PAN2: variants seen among roughly 807,000 people sequenced by gnomAD.
PAN2 encodes the protein poly(A) specific ribonuclease subunit PAN2, also known as PAN2-PAN3 deadenylation complex catalytic subunit PAN2.
A neutral mutation model predicts 133.3 loss-of-function variants in PAN2; 68 were observed. The observed-to-expected ratio is 0.51, with a 90% CI of 0.42 to 0.62. PAN2 has a LOEUF of 0.62. Among genes scored for constraint, PAN2 ranks in the 20% least tolerant of loss-of-function variants. The pLI is 0.00. For synonymous variants in PAN2, 462 were observed against 544.6 expected (o/e 0.85, Z 2.11); for missense variants, 1,042 against 1,500.5 (o/e 0.69, Z 5.05).
Position 56,327,427 on chromosome 12 carries a change from C to G in PAN2, c.856G>C (p.Asp286His). 1 of 1,614,214 alleles carries G rather than the reference C, an allele frequency of 6.2e-7. No homozygotes were observed. The highest frequency in any genetic ancestry group is 1.1e-5 in the South Asian group (1 of 91,082). Residue 286 changes from aspartate (D) to histidine (H), a missense_variant, in exon 6 of 26, where the codon GAT (aspartate) becomes CAT (histidine). By Grantham distance (81) the Asp-to-His change is moderately conservative (BLOSUM62 -1). This residue lies in a region of PAN2 where 908 missense variants were observed against 1,223.5 expected (regional missense o/e 0.74). Transcript: ENST00000440411. Reference protein sequence around the residue: ...RAITPLQVHVDPAFLRFIPTY... With the variant: ...RAITPLQVHVHPAFLRFIPTY... ...GGAATGAAGCGCAAGAAGGCAGGATCCACATGTACTTGAAGTGGTGTGATG... is the reference window on the plus strand; with the variant it reads ...GGAATGAAGCGCAAGAAGGCAGGATGCACATGTACTTGAAGTGGTGTGATG...
chr12:56,323,268 C>G, intron 16 of PAN2, 43 bp downstream of exon 16: 1 of 1,613,842 alleles, frequency 6.2e-7, no homozygotes, highest in Middle Eastern at 1.7e-4. Context: ...AGAGGAACCA[C>G]TGGGCAATTC....
In PAN2 at chr12:56,326,371, A is replaced by G; in HGVS notation, c.1301T>C (p.Met434Thr). 2 of 1,603,566 alleles carry G rather than the reference A, an allele frequency of 1.2e-6. No homozygotes were observed. Among genetic ancestry groups the G allele is most frequent in the East Asian group, 4.5e-5 (2 of 44,694 alleles). ...ATAGCCAATGAAGCCCACCTTCTTCATGGTGCGCAGAATCTCTGCATCCAC... is the reference window on the plus strand; with the variant it reads ...ATAGCCAATGAAGCCCACCTTCTTCGTGGTGCGCAGAATCTCTGCATCCAC... Reference protein sequence around the residue: ...PPVDAEILRTMKKVGFIGYAP... With the variant: ...PPVDAEILRTTKKVGFIGYAP... The change falls in exon 8 of 26, where the codon ATG (methionine) becomes ACG (threonine). Residue 434 changes from methionine (M) to threonine (T), a missense_variant. Met to Thr is a moderately conservative substitution (Grantham distance 81). This residue lies in a region of PAN2 where 908 missense variants were observed against 1,223.5 expected (regional missense o/e 0.74). Coordinates refer to ENST00000440411, the MANE Select transcript of PAN2 (RefSeq NM_014871.6).
At chr12:56,318,131 C>G (rs989357909) in intron 25 of PAN2, 106 bp downstream of exon 25, 1 of 910,492 alleles carries the variant, frequency 1.1e-6, no homozygotes. Flanking sequence ...GAGCTGTAAT[C>G]ACGCTACTGC....
In PAN2 at chr12:56,322,413, T is replaced by C; in HGVS notation, c.2697+10A>G. On this transcript the variant is annotated intron_variant, in intron 19 of 25. Transcript: ENST00000440411. ...AAATGAAAGAAGAAACAGAACATGTTGCAACTAACCTTATCAATAGGTTCA... is the reference window on the plus strand; with the variant it reads ...AAATGAAAGAAGAAACAGAACATGTCGCAACTAACCTTATCAATAGGTTCA... The C allele has an allele frequency of 6.2e-7, 1 of 1,603,116 alleles. No homozygotes were observed. Among genetic ancestry groups the C allele is most frequent in the Non-Finnish European group, 8.5e-7 (1 of 1,170,102 alleles).
chr12:56,322,726 A>G lies in PAN2; in HGVS notation c.2526T>C (p.Gly842=). ...TAGCCATCAGGTCATACACATAGACACCATGCTCCTCCTCTGCCCTGGCTG... is the reference window on the plus strand; with the variant it reads ...TAGCCATCAGGTCATACACATAGACGCCATGCTCCTCCTCTGCCCTGGCTG... ...WGPARAEEEH[G]VYVYDLMATV... The change falls in exon 18 of 26, where the codon GGT becomes GGC. Residue 842 remains glycine (G), a synonymous_variant. Coordinates refer to ENST00000440411, the MANE Select transcript of PAN2 (RefSeq NM_014871.6). 1.2e-6 allele frequency: 2 copies of G among 1,613,840 alleles called. No individual in the cohort carries two copies. Among genetic ancestry groups the G allele is most frequent in the Non-Finnish European group, 1.7e-6 (2 of 1,179,972 alleles).
intron 24 of PAN2, 145 bp from the exon 25 acceptor site, chr12:56,318,579 G>T: frequency 1.6e-6 from 1 of 618,738 alleles, no homozygotes. Context: ...TGCACAGAAG[G>T]GATATTGAAG....
At chr12:56,329,062 T>G (rs1875443334) in intron 2 of PAN2, among the ~76,000 whole-genome samples, 1 of 152,182 alleles carries the variant, frequency 6.6e-6, no homozygotes, top group South Asian at 2.1e-4. Flanking sequence ...TAGGCATCCT[T>G]GAATTTTGGT....
intron 20 of PAN2, among the ~76,000 whole-genome samples, chr12:56,321,081 C>A (rs1286679834): frequency 6.7e-6 from 1 of 148,690 alleles, no homozygotes; most frequent in African/African-American, 2.5e-5. Context: ...AAAAAAAAAG[C>A]AGTCTCATCC....
chr12:56,324,293 C>T lies in PAN2; in HGVS notation c.1928+1G>A. On this transcript the variant is annotated splice_donor_variant, in intron 12 of 25. Transcript: ENST00000440411. LOFTEE classifies it high-confidence loss of function. ...TAACTATTTCTATCCTGATTTCATA[C>T]CTGCCTCCAGCACCTCGATAAGCCT... 6.2e-7 allele frequency: 1 copy of T among 1,613,328 alleles called. No homozygotes were observed. Among genetic ancestry groups the T allele is most frequent in the Non-Finnish European group, 8.5e-7 (1 of 1,179,982 alleles).
chr12:56,332,715 T>G, intron 2 of PAN2, 98 bp downstream of exon 2: 1 of 1,212,194 alleles, frequency 8.2e-7, no homozygotes, highest in Non-Finnish European at 1.2e-6. Context: ...TCACTACAAC[T>G]CCTCGGTACT....
In PAN2 at chr12:56,317,539, G is replaced by C; in HGVS notation, c.*70C>G. 5 of 1,380,300 alleles carry C rather than the reference G, an allele frequency of 3.6e-6. No individual in the cohort carries two copies. Among genetic ancestry groups the C allele is most frequent in the Non-Finnish European group, 5.2e-6 (5 of 970,028 alleles). The allele number at this position is 1,380,300 out of a possible 1,614,324, so 85.5% of individuals were successfully genotyped here. A position where few individuals can be genotyped will look rare whatever the true frequency, so the allele number is the denominator to read the frequency against. Reference sequence around the variant, plus strand: ...AGTGGACAAGGTATAGCCAACTTAGGAAGCCATCTCCCAGTTCTGGGGCTA... The same window carrying C: ...AGTGGACAAGGTATAGCCAACTTAGCAAGCCATCTCCCAGTTCTGGGGCTA... On this transcript the variant is annotated 3_prime_UTR_variant, in exon 26 of 26. Coordinates refer to ENST00000440411, the MANE Select transcript of PAN2 (RefSeq NM_014871.6).
At chr12:56,326,576 C>A (rs1220576217) in intron 7 of PAN2, 41 bp downstream of exon 7, 1 of 1,564,996 alleles carries the variant, frequency 6.4e-7, no homozygotes, top group Non-Finnish European at 8.7e-7. Flanking sequence ...TTGGCCCTTT[C>A]CCTGTCCCTC....
rs958918027 is a variant in PAN2 at position 56,325,954 on chromosome 12, C to T, written c.1359+359G>A. ...TACTATCTACTTAACTGATATCCCA[C>T]CTTTCCAGCTTAATACCCAGCTCTT... On this transcript the variant is annotated intron_variant, in intron 8 of 25. Transcript: ENST00000440411. Among the ~76,000 whole-genome samples the T allele has an allele frequency of 2.6e-5, 4 of 152,222 alleles. No individual in the cohort carries two copies. The East Asian group carries it at 7.7e-4, about 29-fold the overall frequency.
In PAN2 at chr12:56,323,812, G is replaced by A. The variant is rs562408063; in HGVS notation, c.2167C>T (p.Pro723Ser). 5.6e-6 allele frequency: 9 copies of A among 1,606,140 alleles called. No homozygotes were observed. In the African/African-American group the frequency reaches 9.3e-5, roughly 17 times the overall value. ...AWCDTCEKYQ[P>S]TIQTRNIRHL... ...CAGTCCAACAGTCCACTCACCGTGG[G>A]CTGGTACTTTTCACAGGTGTCACAC... The change falls in exon 14 of 26, where the codon CCC becomes TCC. Residue 723 changes from proline to serine, a missense_variant. This residue lies in a region of PAN2 where 908 missense variants were observed against 1,223.5 expected (regional missense o/e 0.74). Transcript: ENST00000440411.
intron 20 of PAN2, among the ~76,000 whole-genome samples, chr12:56,321,229 T>A (rs1430247396): frequency 7.3e-6 from 1 of 136,090 alleles, no homozygotes; most frequent in Non-Finnish European, 1.6e-5. Context: ...CTCAGCTAAA[T>A]TTTTTTTTTT....
Position 56,323,792 on chromosome 12 carries a change from C to T in PAN2, c.2172+15G>A. The T allele has an allele frequency of 6.3e-7, 1 of 1,580,098 alleles. No individual in the cohort carries two copies. Among genetic ancestry groups the T allele is most frequent in the Non-Finnish European group, 8.7e-7 (1 of 1,149,342 alleles). On this transcript the variant is annotated intron_variant, in intron 14 of 25. Coordinates refer to ENST00000440411, the MANE Select transcript of PAN2 (RefSeq NM_014871.6). ...GCAGGACCAGGACTCTAGTCCAGTC[C>T]AACAGTCCACTCACCGTGGGCTGGT...
chr12:56,319,111 C>T lies in PAN2; in HGVS notation c.3341G>A (p.Arg1114Gln). The T allele has an allele frequency of 1.2e-6, 2 of 1,614,012 alleles. No homozygotes were observed. The highest frequency in any genetic ancestry group is 1.7e-6 in the Non-Finnish European group (2 of 1,180,014). Residue 1114 changes from arginine (R) to glutamine (Q), a missense_variant, in exon 24 of 26, where the codon CGA becomes CAA. Arg to Gln is a conservative substitution (Grantham distance 43, BLOSUM62 1). Transcript: ENST00000440411. The surrounding 1 kb of genome is among the most constrained non-coding windows in gnomAD (Gnocchi z 5.4). ...HMPRKRMISL[R>Q]FLAWYFLDLK... ...ACCCAGAAAGTACCAAGCAAGGAAT[C>T]GCAGGGAAATCATTCGTTTTCGGGG...
chr12:56,324,976 C>A, intron 10 of PAN2, 33 bp downstream of exon 10: 2 of 1,609,930 alleles, frequency 1.2e-6, no homozygotes, highest in Non-Finnish European at 1.7e-6. Context: ...AAGCAGCAGG[C>A]ACGTTCAAGT....
At position 56,319,546 on chromosome 12, in the gene PAN2, C is replaced by G. The variant is rs1199478265; in HGVS notation, c.3091-59G>C. The G allele has an allele frequency of 1.3e-6, 2 of 1,591,710 alleles. No homozygotes were observed. The highest frequency in any genetic ancestry group is 3.5e-5 in the Admixed American group (2 of 57,640). On this transcript the variant is annotated intron_variant, in intron 22 of 25. Coordinates refer to ENST00000440411, the MANE Select transcript of PAN2 (RefSeq NM_014871.6). The surrounding 1 kb of genome is among the most constrained non-coding windows in gnomAD (Gnocchi z 5.4). Reference sequence around the variant, plus strand: ...GAAGTGAGATGGAGTCTTCCCCTATCACTCTTCCCTGGGTTCTTGAGCACT... The same window carrying G: ...GAAGTGAGATGGAGTCTTCCCCTATGACTCTTCCCTGGGTTCTTGAGCACT...
Sources: allele counts gnomAD v4.1 joint callset (sites outside exome capture counted in the v4.1 genomes callset), GRCh38; gene constraint gnomAD v4.1.1; regional missense constraint gnomAD v4.1.1; non-coding constraint Gnocchi (gnomAD v3.1); transcripts MANE v1.5; gene names NCBI Gene and HGNC (gene_info 2026-07-23, HGNC 2026-07-21).